The following TMEM245 variants were observed in gnomAD, a reference collection of about 807,000 sequenced individuals.
TMEM245 encodes the protein transmembrane protein 245, also known as protein CG-2.
A neutral mutation model predicts 101.2 loss-of-function variants in TMEM245; 69 were observed. The ratio of observed to expected loss-of-function variants is 0.68; its 90% CI spans 0.56 to 0.83. The LOEUF is 0.83. Ranked by LOEUF, TMEM245 falls within the 40% of genes least tolerant of loss-of-function variation. The pLI is 0.00. For missense variants in TMEM245, 1,075 were observed against 1,092.8 expected, an observed-to-expected ratio of 0.98 and a Z score of 0.23; for synonymous variants, 537 against 449.8, an observed-to-expected ratio of 1.19 and a Z score of -2.45.
intron 3 of TMEM245, among the ~76,000 whole-genome samples, chr9:109,094,062 A>G (rs977761323): frequency 6.6e-6 from 1 of 152,228 alleles, no homozygotes; most frequent in Non-Finnish European, 1.5e-5. Context: ...TATTATGCAA[A>G]ACCATATAGA....
intron 12 of TMEM245, among the ~76,000 whole-genome samples, 181 bp downstream of exon 12, chr9:109,057,010 G>C (rs1183451715): frequency 6.6e-6 from 1 of 152,174 alleles, no homozygotes; most frequent in Non-Finnish European, 1.5e-5. Flanking sequence ...AATACCAAGG[G>C]AGTGACACCT....
rs772636690 is a variant in TMEM245 at position 109,093,524 on chromosome 9, G to A, written c.867C>T (p.Ile289=). 1 of 1,614,012 alleles carries A rather than the reference G, an allele frequency of 6.2e-7. No individual in the cohort carries two copies. The highest frequency in any genetic ancestry group is 8.5e-7 in the Non-Finnish European group (1 of 1,179,996). The change falls in exon 4 of 18, where the codon ATC becomes ATT. Residue 289 remains isoleucine, a synonymous_variant. Transcript: ENST00000374586. ...CTTCACTGCTTGATTCATACCCTGT[G>A]ATAGAGATGGCCAAGTTTGCCAGAG... ...ASTLANLAIS[I]TGYESSSEDQ...
At chr9:109,066,892 CT>C (rs1251680742) in intron 9 of TMEM245, among the ~76,000 whole-genome samples, 1 of 151,682 alleles carries the variant, frequency 6.6e-6, no homozygotes, top group Non-Finnish European at 1.5e-5. Flanking sequence ...CCCGTCTCTA[CT>C]AAAAATGAAA....
intron 10 of TMEM245, among the ~76,000 whole-genome samples, chr9:109,061,642 C>T (rs1271898481): frequency 6.6e-6 from 1 of 152,114 alleles, no homozygotes; most frequent in African/African-American, 2.4e-5. Context: ...TCTCGACTCT[C>T]ATTGCAACCT....
intron 8 of TMEM245, among the ~76,000 whole-genome samples, chr9:109,075,007 G>A (rs1173176988): frequency 1.3e-5 from 2 of 152,208 alleles, no homozygotes; most frequent in African/African-American, 4.8e-5. Context: ...AGAGAGGGCT[G>A]TAAGCTAAGG....
At chr9:109,042,626 T>C (rs1286291756) in intron 14 of TMEM245, 1 of 152,062 alleles carries the variant, frequency 6.6e-6, no homozygotes, top group Non-Finnish European at 1.5e-5. Flanking sequence ...TCATTCTGAC[T>C]CTCCTGCCTT....
chr9:109,078,090 T>C (rs1829565723), intron 8 of TMEM245, among the ~76,000 whole-genome samples: 1 of 152,216 alleles, frequency 6.6e-6, no homozygotes, highest in Non-Finnish European at 1.5e-5. Context: ...CTTATCTAAA[T>C]CTTATCTCAT....
intron 6 of TMEM245, among the ~76,000 whole-genome samples, chr9:109,086,498 A>T (rs1044146701): frequency 1.3e-5 from 2 of 152,134 alleles, no homozygotes; most frequent in Non-Finnish European, 2.9e-5. Context: ...TCCTACACAA[A>T]TTCCTAATAC....
chr9:109,095,671 T>G (rs1258080765), intron 3 of TMEM245, among the ~76,000 whole-genome samples: 1 of 152,200 alleles, frequency 6.6e-6, no homozygotes, highest in Non-Finnish European at 1.5e-5. Context: ...CACTGAAATT[T>G]TATTGAGATA....
At chr9:109,041,453 ATTTTTTT>A (rs1193341550) in intron 14 of TMEM245, among the ~76,000 whole-genome samples, 1,523 of 83,232 alleles carry the variant, frequency 0.018, 26 homozygotes, top group African/African-American at 0.072. Context: ...CATCCTACAA[ATTTTTTT>A]TTTTTTTTTT....
chr9:109,070,811 T>G (rs1299327011), intron 9 of TMEM245, among the ~76,000 whole-genome samples: 2 of 152,224 alleles, frequency 1.3e-5, no homozygotes, highest in Admixed American at 1.3e-4. Context: ...AGTCTGCATT[T>G]CCTAGAACTT....
chr9:109,103,339 A>C (rs1830326645), intron 3 of TMEM245, among the ~76,000 whole-genome samples: 1 of 152,232 alleles, frequency 6.6e-6, no homozygotes, highest in African/African-American at 2.4e-5. Context: ...AAAATTAAGA[A>C]AACAATTCCA....
At chr9:109,032,419 C>T (rs1188026056) in intron 17 of TMEM245, among the ~76,000 whole-genome samples, 5 of 108,778 alleles carry the variant, frequency 4.6e-5, no homozygotes, top group African/African-American at 1.8e-4. Flanking sequence ...GAGTCTCGCT[C>T]TGTCACCCAG....
chr9:109,101,558 G>A (rs1326974499), intron 3 of TMEM245, among the ~76,000 whole-genome samples: 1 of 152,124 alleles, frequency 6.6e-6, no homozygotes, highest in Non-Finnish European at 1.5e-5. Context: ...ACACTTAAAA[G>A]ATTTATTTTA....
intron 1 of TMEM245, among the ~76,000 whole-genome samples, chr9:109,113,974 G>T (rs1031977487): frequency 6.6e-6 from 1 of 152,128 alleles, no homozygotes; most frequent in Non-Finnish European, 1.5e-5. Flanking sequence ...TACTCGGGAG[G>T]CTGAGGCAGG....
chr9:109,057,426 G>A, intron 11 of TMEM245, 104 bp from the exon 12 acceptor site: 1 of 1,306,734 alleles, frequency 7.7e-7, no homozygotes, highest in South Asian at 1.5e-5. Flanking sequence ...ACTTCAGTAA[G>A]TACTCCAAGG....
chr9:109,116,144 A>G (rs1367041428), intron 1 of TMEM245, among the ~76,000 whole-genome samples: 1 of 152,208 alleles, frequency 6.6e-6, no homozygotes, highest in Non-Finnish European at 1.5e-5. Context: ...CAAAACAGGG[A>G]TTCGCTTAAA....
chr9:109,077,605 T>C (rs934393494), intron 8 of TMEM245, among the ~76,000 whole-genome samples: 7 of 152,232 alleles, frequency 4.6e-5, no homozygotes, highest in African/African-American at 1.7e-4. Context: ...AGCTCAGCTG[T>C]TGGGAGCATA....
chr9:109,110,296 T>C (rs965840428), intron 1 of TMEM245, among the ~76,000 whole-genome samples: 1 of 152,194 alleles, frequency 6.6e-6, no homozygotes, highest in African/African-American at 2.4e-5. Context: ...TACTAACTCA[T>C]TTGATCCTCA....
Sources: gnomAD v4.1 joint callset for allele counts (sites outside exome capture counted in the v4.1 genomes callset) on GRCh38, gnomAD v4.1.1 for gene constraint, MANE v1.5 for transcripts, NCBI Gene and HGNC (gene_info 2026-07-23, HGNC 2026-07-21) for gene names.